The following PDE4D variants were observed in gnomAD, a reference collection of about 807,000 sequenced individuals.
PDE4D encodes phosphodiesterase 4D.
Under a neutral mutation model 87.4 loss-of-function variants are expected in PDE4D, and 24 were observed. The ratio of observed to expected loss-of-function variants is 0.27; its 90% CI spans 0.20 to 0.39. The LOEUF (loss-of-function observed/expected upper bound fraction) is 0.39. Ranked by LOEUF, PDE4D falls within the 10% of genes least tolerant of loss-of-function variation. The pLI is 1.00. For synonymous variants in PDE4D, 384 were observed against 383.2 expected (o/e 1.00, Z -0.02); for missense variants, 714 against 1,041.0 (o/e 0.69, Z 4.32).
intron 5 of PDE4D, among the ~76,000 whole-genome samples, chr5:59,065,357 A>T (rs13361668): frequency 0.045 from 6,844 of 152,192 alleles, 525 homozygotes; most frequent in African/African-American, 0.16. Flanking sequence ...GATGTGGTCA[A>T]GGGTTACAAA....
chr5:60,005,696 CATT>C (rs1298752575), intron 2 of PDE4D, among the ~76,000 whole-genome samples: 2 of 151,756 alleles, frequency 1.3e-5, no homozygotes, highest in African/African-American at 2.4e-5. Flanking sequence ...AATAATAAAA[CATT>C]AGTCATTTAT....
intron 6 of PDE4D, among the ~76,000 whole-genome samples, chr5:59,017,889 C>T (rs897136901): frequency 2.0e-5 from 3 of 152,118 alleles, no homozygotes; most frequent in Non-Finnish European, 4.4e-5. Flanking sequence ...TTTTCATTTG[C>T]AACAGGTTAG....
intron 1 of PDE4D, among the ~76,000 whole-genome samples, chr5:60,482,952 T>C (rs1748848052): frequency 6.6e-6 from 1 of 152,164 alleles, no homozygotes; most frequent in Non-Finnish European, 1.5e-5. Context: ...AGTAGCAATA[T>C]ATATTGTCAG....
At chr5:59,573,971 C>A (rs1822323786) in intron 1 of PDE4D, among the ~76,000 whole-genome samples, 2 of 126,470 alleles carry the variant, frequency 1.6e-5, no homozygotes, top group Non-Finnish European at 3.2e-5. Context: ...GCACTCCAGC[C>A]TGGACAACAA....
intron 1 of PDE4D, among the ~76,000 whole-genome samples, chr5:60,287,604 C>T (rs960438680): frequency 6.6e-6 from 1 of 152,160 alleles, no homozygotes; most frequent in Non-Finnish European, 1.5e-5. Context: ...CTACACGTGC[C>T]TATTCACATT....
chr5:59,557,355 G>C (rs1244022684), intron 1 of PDE4D, among the ~76,000 whole-genome samples: 1 of 152,152 alleles, frequency 6.6e-6, no homozygotes, highest in Non-Finnish European at 1.5e-5. Flanking sequence ...TGGTATAGAA[G>C]CTTGTTCCAA....
At chr5:60,332,336 C>G (rs1757377956) in intron 1 of PDE4D, among the ~76,000 whole-genome samples, 1 of 152,180 alleles carries the variant, frequency 6.6e-6, no homozygotes, top group East Asian at 1.9e-4. Flanking sequence ...GCCCCCCTCC[C>G]TCTCTGTTTT....
At position 59,361,191 on chromosome 5, in the gene PDE4D, T is replaced by C. The variant is rs149405575; in HGVS notation, c.456-145223A>G. On this transcript the variant is annotated intron_variant, in intron 1 of 14. Coordinates refer to ENST00000340635, the MANE Select transcript of PDE4D (RefSeq NM_001104631.2). ...AAATGGGATTGAAGGAAAGAAATCA[T>C]GGAGGAAGAAATGGAAGGAAAAGAA... is the stretch of plus-strand genomic sequence containing the variant. 1.0e-3 allele frequency among the ~76,000 whole-genome samples: 155 copies of C among 152,230 alleles called. 3 individuals are homozygous for C. The East Asian group carries it at 0.028, about 27-fold the overall frequency.
At chr5:59,307,590 G>C (rs1442624172) in intron 1 of PDE4D, among the ~76,000 whole-genome samples, 2 of 151,978 alleles carry the variant, frequency 1.3e-5, no homozygotes, top group African/African-American at 4.8e-5. Context: ...CATTTATGCA[G>C]CCAAAAAACA....
At chr5:60,193,590 A>T (rs1785374804) in intron 1 of PDE4D, among the ~76,000 whole-genome samples, 1 of 147,106 alleles carries the variant, frequency 6.8e-6, no homozygotes, top group Non-Finnish European at 1.5e-5. Context: ...GAATGGCGTG[A>T]ACCCCCAGGG....
intron 1 of PDE4D, among the ~76,000 whole-genome samples, chr5:59,270,936 C>G (rs1039890254): frequency 9.2e-5 from 14 of 151,876 alleles, no homozygotes; most frequent in African/African-American, 3.4e-4. Context: ...TCCTTCTTTT[C>G]AATATTGTAA....
chr5:59,810,778 C>G (rs997416477), intron 1 of PDE4D, among the ~76,000 whole-genome samples: 1 of 152,228 alleles, frequency 6.6e-6, no homozygotes, highest in African/African-American at 2.4e-5. Context: ...ACAATACAAA[C>G]TTTAATGGCT....
intron 1 of PDE4D, among the ~76,000 whole-genome samples, chr5:60,293,152 A>C (rs1485253612): frequency 2.0e-5 from 3 of 151,940 alleles, no homozygotes; most frequent in Non-Finnish European, 2.9e-5. Context: ...AAAAAAATTG[A>C]TGAACTATTT....
intron 1 of PDE4D, among the ~76,000 whole-genome samples, chr5:59,878,818 C>A (rs1452327148): frequency 6.6e-6 from 1 of 150,454 alleles, no homozygotes; most frequent in Non-Finnish European, 1.5e-5. Context: ...ATCTGGTTTA[C>A]TGCAATAAAC....
intron 1 of PDE4D, chr5:59,430,352 C>T: frequency 8.1e-7 from 1 of 1,231,354 alleles, no homozygotes; most frequent in Non-Finnish European, 1.0e-6. Flanking sequence ...GATCCATGAA[C>T]ATAAGCGCTT....
chr5:59,427,144 C>T (rs1347393728), intron 1 of PDE4D, among the ~76,000 whole-genome samples: 5 of 151,882 alleles, frequency 3.3e-5, no homozygotes, highest in Non-Finnish European at 7.4e-5. Context: ...GCATGATCCC[C>T]AACCACTTAA....
intron 1 of PDE4D, among the ~76,000 whole-genome samples, chr5:59,535,232 G>T (rs758557123): frequency 6.6e-6 from 1 of 152,080 alleles, no homozygotes; most frequent in Non-Finnish European, 1.5e-5. Flanking sequence ...AACCTCTAAA[G>T]CAGCGGAGTC....
rs140406344 is a variant in PDE4D at position 60,054,941 on chromosome 5, G to A, written c.43-66224C>T. 1.9e-4 allele frequency among the ~76,000 whole-genome samples: 29 copies of A among 152,060 alleles called. No individual in the cohort carries two copies. The East Asian group carries it at 4.5e-3, about 23-fold the overall frequency. On this transcript the variant is annotated intron_variant, in intron 2 of 16. Transcript: ENST00000502484. ...TTATAAAATGTCTAGAATACTGCAG[G>A]CAGCAAAAAGCAACTCAACGAATAT... is the stretch of plus-strand genomic sequence containing the variant.
chr5:59,872,210 G>A (rs939255793), intron 1 of PDE4D, among the ~76,000 whole-genome samples: 2 of 151,494 alleles, frequency 1.3e-5, no homozygotes, highest in African/African-American at 4.9e-5. Flanking sequence ...TGGATTCTGA[G>A]CATTATCCTG....
Sources: gnomAD v4.1 joint callset for allele counts (sites outside exome capture counted in the v4.1 genomes callset) on GRCh38, gnomAD v4.1.1 for gene constraint, MANE v1.5 for transcripts, NCBI Gene and HGNC (gene_info 2026-07-23, HGNC 2026-07-21) for gene names.